The following SYCP2 variants were observed in gnomAD, a reference collection of about 807,000 sequenced individuals.
SYCP2 encodes the protein synaptonemal complex lateral element protein.
In SYCP2, 55 loss-of-function variants were observed where a neutral mutation model predicts 211.3. The observed-to-expected ratio is 0.26, with a 90% CI of 0.21 to 0.33. The LOEUF is 0.33. Ranked by LOEUF, SYCP2 falls within the 10% of genes least tolerant of loss-of-function variation. The pLI, the probability that SYCP2 is intolerant of heterozygous loss-of-function variation, is 1.00. For missense variants in SYCP2, 1,731 were observed against 1,752.0 expected (o/e 0.99, Z 0.21); for synonymous variants, 570 against 555.2 (o/e 1.03, Z -0.37).
intron 26 of SYCP2, among the ~76,000 whole-genome samples, chr20:59,883,077 A>G (rs1040591846): frequency 1.1e-4 from 17 of 152,154 alleles, no homozygotes; most frequent in Admixed American, 8.5e-4. Context: ...GGCTGGGCAC[A>G]GTGGCTTACA....
chr20:59,927,179 A>C lies in SYCP2; in HGVS notation c.-46-4720T>G, dbSNP rs1331998031. ...GGGACTTAAAAGTTTTGGCCTTTAG[A>C]CTTTTAAATTCAGAAGCACAAAAAA... On this transcript the variant is annotated intron_variant, in intron 2 of 44. Transcript: ENST00000357552. Among the ~76,000 whole-genome samples, 9 of 152,246 alleles carry C rather than the reference A, an allele frequency of 5.9e-5. No individual in the cohort carries two copies. The South Asian group carries it at 1.9e-3, about 32-fold the overall frequency.
At chr20:59,923,157 A>ACAT (rs1332051238) in intron 2 of SYCP2, among the ~76,000 whole-genome samples, 1 of 151,990 alleles carries the variant, frequency 6.6e-6, no homozygotes, top group East Asian at 1.9e-4. Flanking sequence ...GCTTATGAAA[A>ACAT]CAGGACCAAA....
At chr20:59,913,425 T>C (rs1443902913) in intron 12 of SYCP2, among the ~76,000 whole-genome samples, 2 of 152,158 alleles carry the variant, frequency 1.3e-5, no homozygotes, top group African/African-American at 4.8e-5. Flanking sequence ...ATGTTGAACA[T>C]CTATGAGGTG....
chr20:59,885,654 A>ACG (rs11473428), intron 26 of SYCP2, among the ~76,000 whole-genome samples: 2,506 of 152,184 alleles, frequency 0.016, 94 homozygotes, highest in African/African-American at 0.056. Flanking sequence ...ACACACACAC[A>ACG]CGCGCGCACG....
At chr20:59,894,216 T>C (rs1451776563) in intron 20 of SYCP2, among the ~76,000 whole-genome samples, 1 of 151,980 alleles carries the variant, frequency 6.6e-6, no homozygotes, top group Admixed American at 6.6e-5. Context: ...CTTTCCTTCT[T>C]ACTCTAGCCA....
chr20:59,908,673 A>G (rs2060258078), intron 14 of SYCP2, among the ~76,000 whole-genome samples: 1 of 152,216 alleles, frequency 6.6e-6, no homozygotes, highest in Non-Finnish European at 1.5e-5. Context: ...ATTTTTAATC[A>G]GAAATCATAG....
At chr20:59,885,259 CAT>C (rs1394380567) in intron 26 of SYCP2, 2 of 151,896 alleles carry the variant, frequency 1.3e-5, no homozygotes, top group East Asian at 3.9e-4. Flanking sequence ...AAGTAAGTGG[CAT>C]GATTGGAGCT....
At chr20:59,888,930 A>G (rs1171996987) in intron 24 of SYCP2, among the ~76,000 whole-genome samples, 1 of 152,078 alleles carries the variant, frequency 6.6e-6, no homozygotes, top group East Asian at 1.9e-4. Context: ...CTAACAAAAC[A>G]TGTACGAGAG....
At chr20:59,895,372 G>A in intron 20 of SYCP2, 65 bp downstream of exon 20, 4 of 1,377,270 alleles carry the variant, frequency 2.9e-6, no homozygotes, top group Non-Finnish European at 4.0e-6. Context: ...AAAGGAGTTA[G>A]CTCAATACAT....
chr20:59,929,630 C>T (rs2060697103), intron 2 of SYCP2, among the ~76,000 whole-genome samples: 1 of 151,890 alleles, frequency 6.6e-6, no homozygotes, highest in Admixed American at 6.6e-5. Context: ...ATAAAAAATG[C>T]AGAATGAGAT....
intron 34 of SYCP2, among the ~76,000 whole-genome samples, chr20:59,874,667 T>C (rs2059519542): frequency 6.6e-6 from 1 of 151,964 alleles, no homozygotes; most frequent in Admixed American, 6.6e-5. Flanking sequence ...TTAACTGAAA[T>C]GATTAGCATT....
intron 2 of SYCP2, among the ~76,000 whole-genome samples, chr20:59,928,572 T>C (rs576353017): frequency 4.2e-4 from 64 of 152,250 alleles, no homozygotes; most frequent in Non-Finnish European, 8.4e-4. Context: ...TATTAAAACA[T>C]ATTACAAAGT....
rs146360684 is a variant in SYCP2, at chr20:59,901,911, T to C, written c.1034-101A>G. The C allele has an allele frequency of 4.1e-4, 386 of 931,880 alleles. No individual in the cohort carries two copies. The African/African-American group carries it at 5.3e-3, about 13-fold the overall frequency. The allele number at this position is 931,880 out of a possible 1,614,324, so 57.7% of individuals were successfully genotyped here. A position where few individuals can be genotyped will look rare whatever the true frequency, so the allele number is the denominator to read the frequency against. ...TGTAGCAGATTAATTGAATCAAAAT[T>C]CAAATTCTCAATATTGAACAGTGTT... On this transcript the variant is annotated intron_variant, in intron 15 of 44. Transcript: ENST00000357552.
At chr20:59,927,419 G>A (rs932955256) in intron 2 of SYCP2, among the ~76,000 whole-genome samples, 1 of 152,014 alleles carries the variant, frequency 6.6e-6, no homozygotes, top group African/African-American at 2.4e-5. Context: ...AGATAATTTG[G>A]AATGGGAAGT....
At position 59,912,492 on chromosome 20, in the gene SYCP2, T is replaced by G; in HGVS notation, c.831-74A>C. ...TAATCTTGTCCAGTAATAGAAATCATGCCTAGAATCAAAAGGAAATCAGGC... is the reference window on the plus strand; with the variant it reads ...TAATCTTGTCCAGTAATAGAAATCAGGCCTAGAATCAAAAGGAAATCAGGC... On this transcript the variant is annotated intron_variant, in intron 12 of 44. Coordinates refer to ENST00000357552, the MANE Select transcript of SYCP2 (RefSeq NM_014258.4). 1.5e-5 allele frequency: 8 copies of G among 549,400 alleles called. No homozygotes were observed. In the South Asian group the frequency reaches 1.7e-4, roughly 12 times the overall value. 34.0% of individuals were successfully genotyped at this position (549,400 alleles called of 1,614,324 possible). A position where few individuals can be genotyped will look rare whatever the true frequency, so the allele number is the denominator to read the frequency against.
chr20:59,878,109 G>A, intron 31 of SYCP2, 64 bp from the exon 32 acceptor site: 1 of 1,039,964 alleles, frequency 9.6e-7, no homozygotes, highest in Non-Finnish European at 1.5e-6. Flanking sequence ...AAATTTATTA[G>A]AACATCATTT....
intron 26 of SYCP2, among the ~76,000 whole-genome samples, chr20:59,885,351 T>C (rs568874064): frequency 1.3e-5 from 2 of 151,962 alleles, no homozygotes; most frequent in East Asian, 3.9e-4. Context: ...GCAAAGAAAA[T>C]TGTTAACACA....
At chr20:59,911,101 G>A (rs2145831140) in intron 14 of SYCP2, among the ~76,000 whole-genome samples, 1 of 152,272 alleles carries the variant, frequency 6.6e-6, no homozygotes, top group East Asian at 1.9e-4. Context: ...ATTAGTAAAT[G>A]CTGATCAACT....
At chr20:59,885,797 G>A (rs2059776599) in intron 26 of SYCP2, 131 bp downstream of exon 26, 3 of 740,388 alleles carry the variant, frequency 4.1e-6, no homozygotes, top group Non-Finnish European at 6.8e-6. Context: ...CCTGTCAGTG[G>A]TTATCATTCA....
Sources: gnomAD v4.1 joint callset for allele counts (sites outside exome capture counted in the v4.1 genomes callset) on GRCh38, gnomAD v4.1.1 for gene constraint, MANE v1.5 for transcripts, NCBI Gene and HGNC (gene_info 2026-07-23, HGNC 2026-07-21) for gene names.